MACROD2: variants seen among roughly 807,000 people sequenced by gnomAD.
The protein encoded by MACROD2 is mono-ADP ribosylhydrolase 2.
A neutral mutation model predicts 70.4 loss-of-function variants in MACROD2; 36 were observed. The ratio of observed to expected loss-of-function variants is 0.51; its 90% CI spans 0.39 to 0.68. The LOEUF is 0.68. Among genes scored for constraint, MACROD2 ranks in the 30% least tolerant of loss-of-function variants. The pLI, the probability that MACROD2 is intolerant of heterozygous loss-of-function variation, is 0.00. For synonymous variants in MACROD2, 172 were observed against 178.8 expected (o/e 0.96, Z 0.30); for missense variants, 496 against 538.4 (o/e 0.92, Z 0.78).
At chr20:15,025,964 ATGCATT>A (rs2075227997) in intron 5 of MACROD2, among the ~76,000 whole-genome samples, 1 of 152,190 alleles carries the variant, frequency 6.6e-6, no homozygotes, top group Non-Finnish European at 1.5e-5. Flanking sequence ...GTCTAGTGGG[ATGCATT>A]TGCATGCTCT....
chr20:16,022,715 T>A (rs988475036), intron 15 of MACROD2, among the ~76,000 whole-genome samples: 2 of 152,218 alleles, frequency 1.3e-5, no homozygotes, highest in African/African-American at 4.8e-5. Flanking sequence ...TCAGCCTCCA[T>A]GTCAGACATG....
intron 8 of MACROD2, among the ~76,000 whole-genome samples, chr20:15,754,055 A>G (rs12480573): frequency 0.11 from 16,710 of 152,204 alleles, 1,052 homozygotes; most frequent in Admixed American, 0.14. Context: ...AGAAGATATG[A>G]ATGACTCATG....
At chr20:14,575,016 T>TTAAA (rs1980488255) in intron 4 of MACROD2, among the ~76,000 whole-genome samples, 1 of 11,172 alleles carries the variant, frequency 9.0e-5, no homozygotes, top group Non-Finnish European at 2.1e-4. Flanking sequence ...AGACTCTGTC[T>TTAAA]CAAAAAAAAA....
chr20:14,877,674 T>C (rs1035991938), intron 5 of MACROD2, among the ~76,000 whole-genome samples: 2 of 152,236 alleles, frequency 1.3e-5, no homozygotes. Flanking sequence ...TGTTTTGTTT[T>C]ATCGTGAAGG....
intron 8 of MACROD2, among the ~76,000 whole-genome samples, chr20:15,827,832 T>A (rs1395775949): frequency 6.6e-6 from 1 of 152,200 alleles, no homozygotes; most frequent in East Asian, 1.9e-4. Flanking sequence ...GAAATGTGCA[T>A]CTCCACAGCA....
intron 6 of MACROD2, among the ~76,000 whole-genome samples, chr20:15,263,406 A>G (rs186844545): frequency 3.7e-4 from 57 of 152,144 alleles, no homozygotes; most frequent in Admixed American, 1.2e-3. Context: ...TTTTTATGCC[A>G]GTACCACACT....
intron 4 of MACROD2, among the ~76,000 whole-genome samples, chr20:14,638,249 A>T (rs1984893254): frequency 2.6e-5 from 4 of 152,190 alleles, no homozygotes; most frequent in Admixed American, 2.6e-4. Context: ...ATTTTTTAAA[A>T]TATTATTACA....
chr20:14,629,967 C>CTATT (rs756613149), intron 4 of MACROD2, among the ~76,000 whole-genome samples: 24,107 of 151,334 alleles, frequency 0.16, 2,490 homozygotes, highest in Non-Finnish European at 0.22. Flanking sequence ...ATCTATCTAT[C>CTATT]TATCTATCTA....
At chr20:14,835,695 CCATTG>C (rs1337604401) in intron 5 of MACROD2, among the ~76,000 whole-genome samples, 13 of 151,976 alleles carry the variant, frequency 8.6e-5, no homozygotes, top group Admixed American at 7.9e-4. Flanking sequence ...ATTTCTACTA[CCATTG>C]CTCTGGAACA....
chr20:15,185,577 A>C (rs1248674347), intron 5 of MACROD2, among the ~76,000 whole-genome samples: 1 of 152,188 alleles, frequency 6.6e-6, no homozygotes, highest in Admixed American at 6.5e-5. Flanking sequence ...AAAGGAAGTC[A>C]GTTTCAAATG....
intron 6 of MACROD2, among the ~76,000 whole-genome samples, chr20:15,357,567 ATAAT>A (rs1346375183): frequency 2.0e-5 from 3 of 152,162 alleles, no homozygotes; most frequent in Admixed American, 6.5e-5. Context: ...CAATATCCAG[ATAAT>A]TAATAATAAT....
chr20:14,265,970 G>T (rs2082141472), intron 3 of MACROD2, among the ~76,000 whole-genome samples: 1 of 151,996 alleles, frequency 6.6e-6, no homozygotes, highest in Non-Finnish European at 1.5e-5. Context: ...TAGAGACGGG[G>T]TTTCACCGTG....
chr20:15,717,688 G>A (rs577367098), intron 8 of MACROD2, among the ~76,000 whole-genome samples: 10 of 152,180 alleles, frequency 6.6e-5, no homozygotes, highest in East Asian at 1.9e-4. Flanking sequence ...AAAGGGTGAC[G>A]TGGATTGTCA....
intron 8 of MACROD2, among the ~76,000 whole-genome samples, chr20:15,726,379 T>A (rs1025086698): frequency 6.6e-6 from 1 of 152,190 alleles, no homozygotes; most frequent in South Asian, 2.1e-4. Flanking sequence ...TTGTGAATAG[T>A]GCTGCAATGA....
chr20:14,556,944 A>G (rs1979073905), intron 4 of MACROD2, among the ~76,000 whole-genome samples: 1 of 151,948 alleles, frequency 6.6e-6, no homozygotes, highest in Non-Finnish European at 1.5e-5. Context: ...GAAAGAACCA[A>G]GTTTGAATAC....
chr20:15,581,710 A>G (rs1600626113), intron 8 of MACROD2, among the ~76,000 whole-genome samples: 1 of 152,174 alleles, frequency 6.6e-6, no homozygotes, highest in East Asian at 1.9e-4. Flanking sequence ...TTGAGGTCAC[A>G]GGAGGGGCCT....
In MACROD2 at chr20:15,846,911, TTATATATATATA is replaced by T. The variant is rs33993940; in HGVS notation, c.646-15804_646-15793del. Among the ~76,000 whole-genome samples the T allele has an allele frequency of 2.3e-3, 321 of 138,162 alleles. 5 individuals carry two copies. The highest frequency in any genetic ancestry group is 8.3e-3 in the African/African-American group (302 of 36,444). 90.6% of individuals were successfully genotyped at this position (138,162 alleles called of 152,430 possible). A position where few individuals can be genotyped will look rare whatever the true frequency, so the allele number is the denominator to read the frequency against. On this transcript the variant is annotated intron_variant, in intron 8 of 17. Transcript: ENST00000684519. ...GACCTTGACATAGTCAAAAAAAAAA[TTATATATATATA>T]TATATATATATATATATATATATAT... is the stretch of plus-strand genomic sequence containing the variant.
At chr20:14,491,921 A>G (rs1293766464) in intron 3 of MACROD2, among the ~76,000 whole-genome samples, 1 of 152,202 alleles carries the variant, frequency 6.6e-6, no homozygotes, top group East Asian at 1.9e-4. Context: ...AATCAGCAGG[A>G]GTGTGAAATT....
chr20:14,348,932 G>T (rs2083091998), intron 3 of MACROD2, among the ~76,000 whole-genome samples: 1 of 152,190 alleles, frequency 6.6e-6, no homozygotes, highest in African/African-American at 2.4e-5. Flanking sequence ...GCTGGGCATG[G>T]TGGTACATGC....
Sources: allele counts gnomAD v4.1 joint callset (sites outside exome capture counted in the v4.1 genomes callset), GRCh38; gene constraint gnomAD v4.1.1; transcripts MANE v1.5; gene names NCBI Gene and HGNC (gene_info 2026-07-23, HGNC 2026-07-21).